Variants in C18orf63 observed in about 807,000 individuals in gnomAD.
C18orf63 encodes the protein uncharacterized protein C18orf63.
In C18orf63, 50 loss-of-function variants were observed where a neutral mutation model predicts 75.3. The ratio of observed to expected loss-of-function variants is 0.66; its 90% CI spans 0.53 to 0.84. The LOEUF (loss-of-function observed/expected upper bound fraction) is 0.84. C18orf63 is among the 40% of genes least tolerant of loss of function. C18orf63 has a pLI of 0.00. For missense variants in C18orf63, 732 were observed against 800.2 expected (o/e 0.91, Z 1.03); for synonymous variants, 232 against 267.6 (o/e 0.87, Z 1.30).
intron 4 of C18orf63, among the ~76,000 whole-genome samples, chr18:74,324,780 G>GT (rs1984181356): frequency 6.6e-6 from 1 of 152,126 alleles, no homozygotes; most frequent in African/African-American, 2.4e-5. Flanking sequence ...TTTCCAAAAT[G>GT]TTTAAGATTT....
At chr18:74,351,565 A>G (rs1984667463) in intron 11 of C18orf63, among the ~76,000 whole-genome samples, 2 of 152,212 alleles carry the variant, frequency 1.3e-5, no homozygotes, top group Admixed American at 1.3e-4. Context: ...AGTGACTCCA[A>G]GGTGACTCCA....
At chr18:74,347,173 T>C (rs1035099830) in intron 11 of C18orf63, among the ~76,000 whole-genome samples, 24 of 152,238 alleles carry the variant, frequency 1.6e-4, no homozygotes, top group African/African-American at 5.3e-4. Flanking sequence ...AGGCTAGCGG[T>C]GGTAATGATA....
chr18:74,333,605 T>C (rs1984344511), intron 7 of C18orf63, among the ~76,000 whole-genome samples: 1 of 152,050 alleles, frequency 6.6e-6, no homozygotes, highest in Non-Finnish European at 1.5e-5. Flanking sequence ...GAACACACTA[T>C]CACAAGAACT....
chr18:74,333,899 A>G (rs745973610), intron 7 of C18orf63, among the ~76,000 whole-genome samples: 20 of 152,202 alleles, frequency 1.3e-4, no homozygotes, highest in Non-Finnish European at 2.6e-4. Context: ...TTGTTAAATT[A>G]AATCAATTCT....
In C18orf63 at chr18:74,354,222, A is replaced by G; in HGVS notation, c.1955A>G (p.His652Arg). Reference sequence around the variant, plus strand: ...TCTTCCAAAACTTCAAAGAAGCATCATTCCGATACTGTGCACTATGGCCAA... The same window carrying G: ...TCTTCCAAAACTTCAAAGAAGCATCGTTCCGATACTGTGCACTATGGCCAA... ...PESSKTSKKH[H>R]SDTVHYGQSS... The change falls in exon 12 of 14, where the codon CAT (histidine) becomes CGT (arginine). Residue 652 changes from histidine (H) to arginine (R), a missense_variant. Coordinates refer to ENST00000579455, the MANE Select transcript of C18orf63 (RefSeq NM_001174123.2). The G allele has an allele frequency of 2.0e-6, 3 of 1,534,908 alleles. No individual in the cohort carries two copies. Among genetic ancestry groups the G allele is most frequent in the Non-Finnish European group, 2.6e-6 (3 of 1,146,586 alleles).
At chr18:74,331,081 T>C (rs1984297174) in intron 7 of C18orf63, 139 bp downstream of exon 7, 1 of 371,668 alleles carries the variant, frequency 2.7e-6, no homozygotes, top group Non-Finnish European at 4.7e-6. Flanking sequence ...ATCTGTATTA[T>C]TAAATGCTTG....
chr18:74,328,171 A>G, intron 5 of C18orf63, 113 bp downstream of exon 5: 4 of 652,702 alleles, frequency 6.1e-6, no homozygotes, highest in South Asian at 2.1e-5. Flanking sequence ...TGGAAAATTT[A>G]TAAAGGAAAG....
intron 6 of C18orf63, among the ~76,000 whole-genome samples, 175 bp from the exon 7 acceptor site, chr18:74,330,691 C>G (rs1984290153): frequency 6.6e-6 from 1 of 152,000 alleles, no homozygotes; most frequent in East Asian, 1.9e-4. Context: ...TTTTAGATGT[C>G]TCATCTGTAA....
At chr18:74,337,453 G>T (rs1049372492) in intron 7 of C18orf63, among the ~76,000 whole-genome samples, 3 of 152,058 alleles carry the variant, frequency 2.0e-5, no homozygotes, top group Non-Finnish European at 4.4e-5. Flanking sequence ...ATAAGTAGGT[G>T]TATGTGGGAA....
chr18:74,328,920 C>A, intron 5 of C18orf63, 75 bp from the exon 6 acceptor site: 2 of 817,510 alleles, frequency 2.4e-6, no homozygotes, highest in Non-Finnish European at 2.0e-6. Flanking sequence ...AATCTCACAT[C>A]AAGCATAGTT....
chr18:74,333,977 A>T (rs1420734291), intron 7 of C18orf63, among the ~76,000 whole-genome samples: 1 of 152,160 alleles, frequency 6.6e-6, no homozygotes, highest in Non-Finnish European at 1.5e-5. Flanking sequence ...ATGATGTCTT[A>T]CACATTCTGA....
At chr18:74,339,386 T>G (rs1333040507) in intron 8 of C18orf63, among the ~76,000 whole-genome samples, 1 of 152,128 alleles carries the variant, frequency 6.6e-6, no homozygotes, top group Non-Finnish European at 1.5e-5. Context: ...ACCAGCAATA[T>G]CTTTGGGTGG....
At chr18:74,335,679 G>A (rs183130426) in intron 7 of C18orf63, among the ~76,000 whole-genome samples, 12 of 152,114 alleles carry the variant, frequency 7.9e-5, no homozygotes, top group African/African-American at 1.2e-4. Flanking sequence ...TGAGTGCCTC[G>A]AAACAAATTT....
At chr18:74,320,420 C>T (rs896554469) in intron 2 of C18orf63, 93 bp from the exon 3 acceptor site, 2 of 830,740 alleles carry the variant, frequency 2.4e-6, no homozygotes, top group African/African-American at 3.5e-5. Context: ...GGTCCCTTGC[C>T]AACACTGGGG....
intron 8 of C18orf63, among the ~76,000 whole-genome samples, chr18:74,339,744 C>G (rs747491896): frequency 1.3e-5 from 2 of 152,024 alleles, no homozygotes; most frequent in Non-Finnish European, 2.9e-5. Context: ...ATAGAAAACC[C>G]TAAAGACTCC....
intron 7 of C18orf63, among the ~76,000 whole-genome samples, chr18:74,338,343 A>G (rs1984425324): frequency 6.6e-6 from 1 of 152,126 alleles, no homozygotes; most frequent in Non-Finnish European, 1.5e-5. Context: ...CCTCCATTTA[A>G]AAAAACAATT....
chr18:74,318,131 C>G (rs548767956), intron 2 of C18orf63, 132 bp downstream of exon 2: 2 of 564,648 alleles, frequency 3.5e-6, no homozygotes, highest in Non-Finnish European at 5.5e-6. Flanking sequence ...TAAAGGAAGT[C>G]AGATTTTGTT....
chr18:74,352,714 T>C (rs1184009607), intron 11 of C18orf63, among the ~76,000 whole-genome samples: 2 of 152,240 alleles, frequency 1.3e-5, no homozygotes, highest in Admixed American at 6.5e-5. Flanking sequence ...TCATGGTTCT[T>C]ACCCTCCAAG....
At position 74,353,631 on chromosome 18, in the gene C18orf63, G is replaced by A; in HGVS notation, c.1364G>A (p.Ser455Asn). 1.3e-6 allele frequency: 2 copies of A among 1,536,134 alleles called. No homozygotes were observed. ...QMNKNTSVLG[S>N]PKRKQHDVTQ... is the part of the protein sequence containing the mutation. The stretch of plus-strand genomic sequence containing the variant: ...AACAAAAATACCTCAGTACTTGGCA[G>A]CCCAAAAAGAAAACAGCATGATGTG... The change falls in exon 12 of 14, where the codon AGC (serine) becomes AAC (asparagine). Residue 455 changes from serine to asparagine, a missense_variant. Ser to Asn is a conservative substitution (Grantham distance 46, BLOSUM62 1). This residue lies in a region of C18orf63 where 495 missense variants were observed against 508.7 expected (regional missense o/e 0.97). Coordinates refer to ENST00000579455, the MANE Select transcript of C18orf63 (RefSeq NM_001174123.2).
Sources: gnomAD v4.1 joint callset for allele counts (sites outside exome capture counted in the v4.1 genomes callset) on GRCh38, gnomAD v4.1.1 for gene constraint, gnomAD v4.1.1 regional missense constraint, MANE v1.5 for transcripts, NCBI Gene and HGNC (gene_info 2026-07-23, HGNC 2026-07-21) for gene names.